CCDC102B: variants seen among roughly 807,000 people sequenced by gnomAD.
The protein encoded by CCDC102B is coiled-coil domain-containing protein 102B.
A neutral mutation model predicts 57.4 loss-of-function variants in CCDC102B; 75 were observed. That is an observed-to-expected ratio of 1.31 (90% confidence interval 1.08 to 1.58). The LOEUF is 1.58. Among genes scored for constraint, CCDC102B ranks in the 40% most tolerant of loss-of-function variants. The pLI, the probability that CCDC102B is intolerant of heterozygous loss-of-function variation, is 0.00. For missense variants in CCDC102B, 636 were observed against 582.6 expected, an observed-to-expected ratio of 1.09 and a Z score of -0.94; for synonymous variants, 206 against 201.9, an observed-to-expected ratio of 1.02 and a Z score of -0.17.
At position 68,863,618 on chromosome 18, in the gene CCDC102B, T is replaced by C. The variant is rs148746327; in HGVS notation, c.937-11051T>C. Among the ~76,000 whole-genome samples the C allele has an allele frequency of 4.0e-3, 610 of 152,052 alleles. 5 individuals carry two copies. The highest frequency in any genetic ancestry group is 6.3e-3 in the Non-Finnish European group (428 of 67,854). On this transcript the variant is annotated intron_variant, in intron 4 of 7. Transcript: ENST00000360242. Reference sequence around the variant, plus strand: ...GTTCATTTAAATAAGTCAGGACACATAATAAATTTACATTCCCCCCAACCC... The same window carrying C: ...GTTCATTTAAATAAGTCAGGACACACAATAAATTTACATTCCCCCCAACCC...
At chr18:69,014,405 G>C (rs1367733) in intron 7 of CCDC102B, among the ~76,000 whole-genome samples, 5,380 of 152,214 alleles carry the variant, frequency 0.035, 133 homozygotes, top group East Asian at 0.12. Flanking sequence ...AGAAACTATA[G>C]ACCAGGCAGC....
At chr18:69,025,639 TTTG>T (rs1179737388) in intron 7 of CCDC102B, among the ~76,000 whole-genome samples, 3 of 152,222 alleles carry the variant, frequency 2.0e-5, no homozygotes, top group South Asian at 2.1e-4. Flanking sequence ...TTCTAATTTT[TTTG>T]TTGTTGTTGT....
chr18:68,871,693 C>T (rs2039245033), intron 4 of CCDC102B, among the ~76,000 whole-genome samples: 1 of 151,766 alleles, frequency 6.6e-6, no homozygotes, highest in Admixed American at 6.6e-5. Context: ...GTGAGGAAGC[C>T]AGAAGGTCTG....
intron 5 of CCDC102B, among the ~76,000 whole-genome samples, chr18:68,885,808 G>A (rs2039863708): frequency 6.6e-6 from 1 of 151,818 alleles, no homozygotes; most frequent in Non-Finnish European, 1.5e-5. Flanking sequence ...AGTATTTCCA[G>A]GATTATGATG....
chr18:68,862,115 T>C (rs948576869), intron 4 of CCDC102B, among the ~76,000 whole-genome samples: 1 of 152,198 alleles, frequency 6.6e-6, no homozygotes, highest in Admixed American at 6.5e-5. Flanking sequence ...TTTTATTTTA[T>C]CTGAAATATA....
At chr18:68,927,518 T>C (rs1349671863) in intron 6 of CCDC102B, among the ~76,000 whole-genome samples, 7 of 152,126 alleles carry the variant, frequency 4.6e-5, no homozygotes, top group Non-Finnish European at 8.8e-5. Flanking sequence ...TATGACATTA[T>C]ATTGGGTAGA....
chr18:68,860,375 C>T (rs1267681073), intron 4 of CCDC102B, among the ~76,000 whole-genome samples: 10 of 47,800 alleles, frequency 2.1e-4, no homozygotes, highest in African/African-American at 4.6e-4. Context: ...GTGGGTGCAG[C>T]GCACCAGCAT....
intron 6 of CCDC102B, among the ~76,000 whole-genome samples, chr18:68,937,882 T>G (rs562573760): frequency 8.6e-4 from 131 of 152,132 alleles, no homozygotes; most frequent in African/African-American, 3.1e-3. Context: ...CTTGTGATAG[T>G]TTGCTGAGAA....
intron 6 of CCDC102B, among the ~76,000 whole-genome samples, chr18:68,996,455 G>C (rs981874460): frequency 1.3e-5 from 2 of 152,120 alleles, no homozygotes; most frequent in Non-Finnish European, 2.9e-5. Flanking sequence ...GCCTATTGGG[G>C]GACTTTACCT....
intron 7 of CCDC102B, among the ~76,000 whole-genome samples, chr18:69,050,908 CAG>C (rs1337082585): frequency 6.6e-6 from 1 of 152,126 alleles, no homozygotes; most frequent in Non-Finnish European, 1.5e-5. Flanking sequence ...ATTTTAGAGA[CAG>C]AGTCTTGCTC....
chr18:68,840,811 G>A (rs543457981), intron 3 of CCDC102B, among the ~76,000 whole-genome samples: 1 of 152,224 alleles, frequency 6.6e-6, no homozygotes, highest in Non-Finnish European at 1.5e-5. Context: ...AGATATGCAT[G>A]TTCTGTCTTA....
At chr18:68,762,696 C>T (rs904861921) in intron 2 of CCDC102B, among the ~76,000 whole-genome samples, 4 of 152,082 alleles carry the variant, frequency 2.6e-5, no homozygotes, top group African/African-American at 4.8e-5. Context: ...AAGAAACAAC[C>T]TACCTGTGAT....
intron 6 of CCDC102B, among the ~76,000 whole-genome samples, chr18:68,987,857 A>G (rs1481060597): frequency 6.6e-6 from 1 of 152,190 alleles, no homozygotes; most frequent in East Asian, 1.9e-4. Context: ...ACACCATCAA[A>G]CCAGTCAGAA....
At chr18:68,717,540 A>G (rs982792386) in intron 2 of CCDC102B, among the ~76,000 whole-genome samples, 1 of 152,222 alleles carries the variant, frequency 6.6e-6, no homozygotes, top group African/African-American at 2.4e-5. Context: ...GATCTAGGCA[A>G]TGAGAAAATG....
intron 2 of CCDC102B, among the ~76,000 whole-genome samples, chr18:68,790,650 C>G (rs184513367): frequency 8.5e-5 from 13 of 152,132 alleles, no homozygotes; most frequent in Non-Finnish European, 4.4e-5. Flanking sequence ...TGACCCCTTG[C>G]GCTTCCCAAG....
At chr18:68,795,864 C>T (rs1209574492), upstream of CCDC102B, among the ~76,000 whole-genome samples, 1 of 152,114 alleles carries the variant, frequency 6.6e-6, no homozygotes, top group Admixed American at 6.6e-5. Context: ...CTTACCTAGA[C>T]AGAAATGTGA....
chr18:68,815,677 T>C (rs868511692), intron 1 of CCDC102B, among the ~76,000 whole-genome samples: 28 of 149,280 alleles, frequency 1.9e-4, no homozygotes, highest in African/African-American at 6.0e-4. Flanking sequence ...TCCATTTACA[T>C]ACACACACAC....
chr18:69,048,330 G>A (rs1003312532), intron 7 of CCDC102B, among the ~76,000 whole-genome samples: 2 of 151,624 alleles, frequency 1.3e-5, no homozygotes. Flanking sequence ...TTACATTATT[G>A]TATTTTTAAT....
At chr18:68,983,349 GA>G (rs2050643008) in intron 6 of CCDC102B, among the ~76,000 whole-genome samples, 1 of 151,856 alleles carries the variant, frequency 6.6e-6, no homozygotes, top group Admixed American at 6.6e-5. Context: ...TATTATGCAG[GA>G]AAAAATATAA....
Sources: gnomAD v4.1 joint callset for allele counts (sites outside exome capture counted in the v4.1 genomes callset) on GRCh38, gnomAD v4.1.1 for gene constraint, MANE v1.5 for transcripts, NCBI Gene and HGNC (gene_info 2026-07-23, HGNC 2026-07-21) for gene names.